Variants in CFAP46 observed in about 807,000 individuals in gnomAD.
CFAP46 encodes cilia and flagella associated protein 46, also known as cilia- and flagella-associated protein 46.
In CFAP46, 245 loss-of-function variants were observed where a neutral mutation model predicts 325.7. The ratio of observed to expected loss-of-function variants is 0.75; its 90% CI spans 0.68 to 0.84. The LOEUF (loss-of-function observed/expected upper bound fraction) is 0.84, where lower values mean the gene tolerates loss of function less well. Among genes scored for constraint, CFAP46 ranks in the 40% least tolerant of loss-of-function variants. The pLI, the probability that CFAP46 is intolerant of heterozygous loss-of-function variation, is 0.00. For missense variants in CFAP46, 3,346 were observed against 3,543.0 expected, an observed-to-expected ratio of 0.94 and a Z score of 1.41; for synonymous variants, 1,523 against 1,495.9, an observed-to-expected ratio of 1.02 and a Z score of -0.42.
In CFAP46 at chr10:132,872,723, C is replaced by T. The variant is rs961509776; in HGVS notation, c.4464G>A (p.Ser1488=). 34 of 1,550,614 alleles carry T rather than the reference C, an allele frequency of 2.2e-5. No individual in the cohort carries two copies. The highest frequency in any genetic ancestry group is 1.7e-4 in the Middle Eastern group (1 of 6,014). The change falls in exon 32 of 58, where the codon TCG becomes TCA. Residue 1488 remains serine (S), a synonymous_variant. Transcript: ENST00000368586. ...VPVLQLGVLI[S]DSVVGSKGLS... ...GGCCCTTGCTTCCCACCACGGAGTC[C>T]GAAATCAGCACCCCCAACTGCAGGA... is the stretch of plus-strand genomic sequence containing the variant.
chr10:132,894,848 A>G (rs1316381364), intron 24 of CFAP46, among the ~76,000 whole-genome samples: 1 of 152,216 alleles, frequency 6.6e-6, no homozygotes, highest in Non-Finnish European at 1.5e-5. Flanking sequence ...ATCCTGGACT[A>G]TATGGCTTCA....
intron 8 of CFAP46, among the ~76,000 whole-genome samples, chr10:132,930,124 C>T (rs142760478): frequency 2.6e-5 from 4 of 152,238 alleles, no homozygotes; most frequent in African/African-American, 4.8e-5. Context: ...ACAGGGATGA[C>T]GACATGCGTA....
intron 28 of CFAP46, among the ~76,000 whole-genome samples, chr10:132,880,137 G>T (rs1849017849): frequency 6.8e-6 from 1 of 147,772 alleles, no homozygotes; most frequent in Non-Finnish European, 1.5e-5. Context: ...TGTGTGTGTG[G>T]AGTGGCCACC....
intron 38 of CFAP46, 137 bp downstream of exon 38, chr10:132,858,934 C>G: frequency 1.2e-6 from 1 of 858,572 alleles, no homozygotes; most frequent in Non-Finnish European, 1.8e-6. Context: ...CAGCCGAGAG[C>G]TTCCCAGGGG....
At chr10:132,863,016 T>G (rs1215474939) in intron 35 of CFAP46, among the ~76,000 whole-genome samples, 1 of 152,090 alleles carries the variant, frequency 6.6e-6, no homozygotes, top group Non-Finnish European at 1.5e-5. Flanking sequence ...GCGCCTGCTG[T>G]GAAACAAAGT....
chr10:132,912,650 G>A lies in CFAP46; in HGVS notation c.2499+5C>T, dbSNP rs967566371. 2 of 1,532,018 alleles carry A rather than the reference G, an allele frequency of 1.3e-6. No individual in the cohort carries two copies. Among genetic ancestry groups the A allele is most frequent in the East Asian group, 2.5e-5 (1 of 40,228 alleles). 94.9% of individuals were successfully genotyped at this position (1,532,018 alleles called of 1,614,324 possible). A position where few individuals can be genotyped will look rare whatever the true frequency, so the allele number is the denominator to read the frequency against. ...CTCTCTCTCTCGGCATCATGGAGGT[G>A]GTACCTCCACCGCTGTTTTGATCTC... On this transcript the variant is annotated splice_donor_5th_base_variant and intron_variant, in intron 19 of 57. Coordinates refer to ENST00000368586, the MANE Select transcript of CFAP46 (RefSeq NM_001200049.3).
intron 48 of CFAP46, among the ~76,000 whole-genome samples, 177 bp downstream of exon 48, chr10:132,834,477 G>C (rs1848204448): frequency 6.6e-6 from 1 of 152,216 alleles, no homozygotes; most frequent in African/African-American, 2.4e-5. Context: ...TACTCCTCCA[G>C]GCAGGAATGG....
intron 37 of CFAP46, among the ~76,000 whole-genome samples, chr10:132,860,141 A>G (rs925284334): frequency 5.9e-5 from 9 of 152,220 alleles, no homozygotes; most frequent in Non-Finnish European, 2.9e-5. Context: ...CTTAGAGGAA[A>G]AGGTTTCCCA....
rs1209631057 is a variant in CFAP46, at chr10:132,851,146, T to C, written c.5734A>G (p.Asn1912Asp). 1.2e-6 allele frequency: 2 copies of C among 1,614,056 alleles called. No homozygotes were observed. Among genetic ancestry groups the C allele is most frequent in the Admixed American group, 3.3e-5 (2 of 60,026 alleles). The change falls in exon 40 of 58, where the codon AAC becomes GAC. Residue 1912 changes from asparagine (N) to aspartate (D), a missense_variant. By Grantham distance (23) the Asn-to-Asp change is conservative (BLOSUM62 1). Coordinates refer to ENST00000368586, the MANE Select transcript of CFAP46 (RefSeq NM_001200049.3). ...LEKLLADYLQ[N>D]TSDYTSVGLQ... is the part of the protein sequence containing the mutation. ...CCGACGGAAGTGTAGTCACTGGTGT[T>C]CTGCAGATAGTCCGCCAGCAGCTTC...
intron 44 of CFAP46, chr10:132,837,194 CAT>C: frequency 2.3e-6 from 1 of 442,016 alleles, no homozygotes; most frequent in East Asian, 4.2e-5. Context: ...ACGCAAAGTG[CAT>C]GTTCACCAAA....
chr10:132,836,757 T>C, intron 45 of CFAP46, 60 bp downstream of exon 45: 3 of 1,438,558 alleles, frequency 2.1e-6, no homozygotes, highest in Non-Finnish European at 2.9e-6. Flanking sequence ...GCTGGGTCTC[T>C]GCCTCCCTGA....
At position 132,847,441 on chromosome 10, in the gene CFAP46, T is replaced by A. The variant is rs949981418; in HGVS notation, c.5953-120A>T. 2 of 1,206,332 alleles carry A rather than the reference T, an allele frequency of 1.7e-6. No homozygotes were observed. The highest frequency in any genetic ancestry group is 3.9e-5 in the Admixed American group (2 of 51,470). The allele number at this position is 1,206,332 out of a possible 1,614,324, so 74.7% of individuals were successfully genotyped here. A position where few individuals can be genotyped will look rare whatever the true frequency, so the allele number is the denominator to read the frequency against. ...CTCAGCAGGGTCCCCGGGTAGGGGG[T>A]ACCGCAGGCCACAGCATGGCCTCTC... On this transcript the variant is annotated intron_variant, in intron 41 of 57. Coordinates refer to ENST00000368586, the MANE Select transcript of CFAP46 (RefSeq NM_001200049.3). This position sits in a 1 kb window ranked among gnomAD's most constrained non-coding sequence, Gnocchi z 5.2.
In CFAP46 at chr10:132,899,012, C is replaced by T; in HGVS notation, c.3166G>A (p.Gly1056Ser). The T allele has an allele frequency of 1.3e-6, 2 of 1,550,602 alleles. No individual in the cohort carries two copies. The highest frequency in any genetic ancestry group is 1.7e-6 in the Non-Finnish European group (2 of 1,146,998). ...ATGCCGATGAGCCTCTTCAGGGCAC[C>T]CTTGGCCTTCTTCCTGTAGACGGCT... ...SSAVYRKKAK[G>S]ALKRLIGIIN... The change falls in exon 24 of 58, where the codon GGT becomes AGT. Residue 1056 changes from glycine (G) to serine (S), a missense_variant. Transcript: ENST00000368586.
rs184432602 is a variant in CFAP46, at chr10:132,826,494, C to T, written c.7117+6864G>A. Among the ~76,000 whole-genome samples, 207 of 123,272 alleles carry T rather than the reference C, an allele frequency of 1.7e-3. 2 individuals carry two copies. Among genetic ancestry groups the T allele is most frequent in the African/African-American group, 5.2e-3 (164 of 31,790 alleles). The allele number at this position is 123,272 out of a possible 152,430, so 80.9% of individuals were successfully genotyped here. A position where few individuals can be genotyped will look rare whatever the true frequency, so the allele number is the denominator to read the frequency against. On this transcript the variant is annotated intron_variant, in intron 50 of 57. Transcript: ENST00000368586. Reference sequence around the variant, plus strand: ...ACCTGCCACAGAGCCAGGCAGGAGCCGGAGCCACGGAGCCAGGCAGGAACC... The same window carrying T: ...ACCTGCCACAGAGCCAGGCAGGAGCTGGAGCCACGGAGCCAGGCAGGAACC...
rs1358894252 is a variant in CFAP46 at position 132,884,322 on chromosome 10, C to A, written c.3627+781G>T. Among the ~76,000 whole-genome samples the A allele has an allele frequency of 1.3e-5, 2 of 152,220 alleles. No individual in the cohort carries two copies. The highest frequency in any genetic ancestry group is 2.9e-5 in the Non-Finnish European group (2 of 68,038). On this transcript the variant is annotated intron_variant, in intron 27 of 57. Transcript: ENST00000368586. This position sits in a 1 kb window ranked among gnomAD's most constrained non-coding sequence, Gnocchi z 5.4. ...CCAGTGCCCTGAGCCGGCACTCACA[C>A]AGCACCGTCAGAGACCCCCAACCAT...
chr10:132,910,194 G>T (rs927694321), intron 19 of CFAP46, 126 bp from the exon 20 acceptor site: 2 of 897,474 alleles, frequency 2.2e-6, no homozygotes, highest in African/African-American at 1.7e-5. Flanking sequence ...CCTTAAACAC[G>T]AGACCTCAGG....
chr10:132,824,154 GTGTGTGC>G (rs1345764355), intron 50 of CFAP46, among the ~76,000 whole-genome samples: 217 of 139,776 alleles, frequency 1.6e-3, no homozygotes, highest in African/African-American at 5.2e-3. Context: ...TGTGTGCTGT[GTGTGTGC>G]TGTGTGCTGT....
chr10:132,871,217 T>A (rs1047154458), intron 32 of CFAP46, among the ~76,000 whole-genome samples: 1 of 152,232 alleles, frequency 6.6e-6, no homozygotes, highest in Non-Finnish European at 1.5e-5. Context: ...GTACTGCTCA[T>A]TGGCAATGCT....
intron 38 of CFAP46, among the ~76,000 whole-genome samples, chr10:132,858,277 G>T (rs532851386): frequency 6.7e-6 from 1 of 150,144 alleles, no homozygotes; most frequent in Admixed American, 6.7e-5. Context: ...GGCTTTGCTG[G>T]GGGCGGCCCC....
Sources: allele counts gnomAD v4.1 joint callset (sites outside exome capture counted in the v4.1 genomes callset), GRCh38; gene constraint gnomAD v4.1.1; non-coding constraint Gnocchi (gnomAD v3.1); transcripts MANE v1.5; gene names NCBI Gene and HGNC (gene_info 2026-07-23, HGNC 2026-07-21).